The following SCYL2 variants were observed in gnomAD, a reference collection of about 807,000 sequenced individuals.
The protein encoded by SCYL2 is SCY1 like pseudokinase 2.
Under a neutral mutation model 100.4 loss-of-function variants are expected in SCYL2, and 36 were observed. That is an observed-to-expected ratio of 0.36 (90% CI 0.27 to 0.47). SCYL2 has a LOEUF of 0.47. SCYL2 is among the 20% of genes least tolerant of loss of function. The pLI, the probability that SCYL2 is intolerant of heterozygous loss-of-function variation, is 1.00. For missense variants in SCYL2, 902 were observed against 1,083.9 expected, an observed-to-expected ratio of 0.83 and a Z score of 2.36; for synonymous variants, 330 against 359.2, an observed-to-expected ratio of 0.92 and a Z score of 0.92.
chr12:100,275,038 G>A (rs926678842), intron 1 of SCYL2, among the ~76,000 whole-genome samples: 2 of 151,986 alleles, frequency 1.3e-5, no homozygotes, highest in Non-Finnish European at 2.9e-5. Flanking sequence ...AGTATATATC[G>A]TTCCATTTAT....
At chr12:100,311,227 C>T in intron 5 of SCYL2, 34 bp downstream of exon 5, 1 of 1,564,254 alleles carries the variant, frequency 6.4e-7, no homozygotes, top group Non-Finnish European at 8.6e-7. Flanking sequence ...ATTTTTGAGG[C>T]CAGGGAAATT....
intron 4 of SCYL2, among the ~76,000 whole-genome samples, chr12:100,301,640 A>G (rs1056263067): frequency 3.3e-5 from 5 of 152,208 alleles, no homozygotes; most frequent in African/African-American, 9.6e-5. Flanking sequence ...CATTTAATCT[A>G]TGGTGCAGAT....
intron 1 of SCYL2, among the ~76,000 whole-genome samples, chr12:100,268,270 A>G (rs947296658): frequency 2.6e-5 from 4 of 152,218 alleles, no homozygotes; most frequent in Admixed American, 6.5e-5. Context: ...TAAGTAGCCT[A>G]TCTCCGTTCT....
rs1285780758 is a variant in SCYL2 at position 100,313,458 on chromosome 12, C to G, written c.889C>G (p.Pro297Ala). ...AGGATCTAGTTCACTTACAAATATA[C>G]CTGAGGAAGTTCGTGAACATGTAAA... is the stretch of plus-strand genomic sequence containing the variant. ...RLGSSSLTNI[P>A]EEVREHVKLL... The change falls in exon 7 of 18, where the codon CCT (proline) becomes GCT (alanine). Residue 297 changes from proline to alanine, a missense_variant. Physicochemically the swap from Pro to Ala is conservative, Grantham distance 27. Transcript: ENST00000360820. 1.3e-6 allele frequency: 2 copies of G among 1,497,916 alleles called. No individual in the cohort carries two copies. The highest frequency in any genetic ancestry group is 2.2e-5 in the South Asian group (2 of 88,978). The allele number at this position is 1,497,916 out of a possible 1,614,324, so 92.8% of individuals were successfully genotyped here. A position where few individuals can be genotyped will look rare whatever the true frequency, so the allele number is the denominator to read the frequency against.
intron 1 of SCYL2, among the ~76,000 whole-genome samples, chr12:100,275,324 A>C (rs1027967383): frequency 1.5e-4 from 23 of 151,700 alleles, no homozygotes; most frequent in Admixed American, 1.5e-3. Flanking sequence ...ACCTCAGCCT[A>C]CTGAGTAGCT....
At chr12:100,294,799 A>C (rs1592940775) in intron 3 of SCYL2, among the ~76,000 whole-genome samples, 4 of 114,750 alleles carry the variant, frequency 3.5e-5, no homozygotes, top group African/African-American at 1.0e-4. Context: ...CGGGGGGCTG[A>C]CCCCCCCACC....
intron 1 of SCYL2, among the ~76,000 whole-genome samples, chr12:100,279,459 C>T (rs1210004307): frequency 6.6e-6 from 1 of 152,200 alleles, no homozygotes; most frequent in Non-Finnish European, 1.5e-5. Context: ...TAAGTCACAT[C>T]GTCTTGCTTC....
chr12:100,277,481 T>C lies in SCYL2; in HGVS notation c.-28-5462T>C, dbSNP rs964634677. On this transcript the variant is annotated intron_variant, in intron 1 of 17. Coordinates refer to ENST00000360820, the MANE Select transcript of SCYL2 (RefSeq NM_017988.6). ...ATTTAGTATTGTTATGTCTTTTTGGTGAATTGACAACTTTGTCATTACAAA... is the reference window on the plus strand; with the variant it reads ...ATTTAGTATTGTTATGTCTTTTTGGCGAATTGACAACTTTGTCATTACAAA... 1.3e-4 allele frequency among the ~76,000 whole-genome samples: 20 copies of C among 152,358 alleles called. No homozygotes were observed. The South Asian group carries it at 4.1e-3, about 32-fold the overall frequency.
chr12:100,317,682 C>T, intron 9 of SCYL2, 121 bp from the exon 10 acceptor site: 1 of 1,424,952 alleles, frequency 7.0e-7, no homozygotes, highest in Non-Finnish European at 9.2e-7. Context: ...CGCATTCAGG[C>T]TAGCAACATG....
At chr12:100,322,171 GACC>G (rs1372985750) in intron 10 of SCYL2, among the ~76,000 whole-genome samples, 1 of 151,132 alleles carries the variant, frequency 6.6e-6, no homozygotes, top group Non-Finnish European at 1.5e-5. Flanking sequence ...AGGAGATCGA[GACC>G]ATCCTGGCTA....
At chr12:100,315,390 T>G (rs1217747753) in intron 8 of SCYL2, among the ~76,000 whole-genome samples, 168 bp from the exon 9 acceptor site, 1 of 152,200 alleles carries the variant, frequency 6.6e-6, no homozygotes, top group Non-Finnish European at 1.5e-5. Flanking sequence ...TATCCTTGCA[T>G]AATTAGCAAT....
chr12:100,327,596 C>A (rs1952147589), intron 12 of SCYL2, among the ~76,000 whole-genome samples: 1 of 151,570 alleles, frequency 6.6e-6, no homozygotes, highest in Admixed American at 6.6e-5. Flanking sequence ...CTCACTGCAA[C>A]CTCCGCCTCC....
chr12:100,332,193 A>G (rs937144830), intron 13 of SCYL2, among the ~76,000 whole-genome samples: 3 of 152,222 alleles, frequency 2.0e-5, no homozygotes, highest in African/African-American at 7.2e-5. Context: ...GTTGCCAACC[A>G]GGGAAACTTA....
intron 12 of SCYL2, chr12:100,327,142 C>T (rs1367615554): frequency 5.7e-6 from 2 of 349,268 alleles, no homozygotes; most frequent in Non-Finnish European, 5.7e-6. Flanking sequence ...TTTATTCTTC[C>T]CCAAATTCAA....
chr12:100,319,631 T>C (rs951985472), intron 10 of SCYL2, among the ~76,000 whole-genome samples: 3 of 152,324 alleles, frequency 2.0e-5, no homozygotes, highest in African/African-American at 7.2e-5. Flanking sequence ...GCAGTTCTCG[T>C]GTCTCAGCCT....
chr12:100,296,711 G>A (rs1429478745), intron 3 of SCYL2: 1 of 151,628 alleles, frequency 6.6e-6, no homozygotes. Flanking sequence ...AAGGGACCTA[G>A]CAGAGAAGAC....
At chr12:100,322,359 C>T (rs1316077383) in intron 10 of SCYL2, among the ~76,000 whole-genome samples, 2 of 113,380 alleles carry the variant, frequency 1.8e-5, no homozygotes, top group Non-Finnish European at 1.6e-5. Flanking sequence ...GGCGACAGAG[C>T]GAGACTCCGT....
At chr12:100,280,282 A>G (rs1015579415) in intron 1 of SCYL2, among the ~76,000 whole-genome samples, 1 of 152,266 alleles carries the variant, frequency 6.6e-6, no homozygotes, top group Non-Finnish European at 1.5e-5. Flanking sequence ...AATAAAATGT[A>G]TAGAAAAAAT....
chr12:100,273,194 C>T (rs1404142444), intron 1 of SCYL2, among the ~76,000 whole-genome samples: 5 of 152,054 alleles, frequency 3.3e-5, no homozygotes, highest in Admixed American at 3.3e-4. Context: ...GGCTTTTTAG[C>T]CTCCTTTGCC....
Sources: gnomAD v4.1 joint callset for allele counts (sites outside exome capture counted in the v4.1 genomes callset) on GRCh38, gnomAD v4.1.1 for gene constraint, MANE v1.5 for transcripts, NCBI Gene and HGNC (gene_info 2026-07-23, HGNC 2026-07-21) for gene names.